The following CENPF variants were observed in gnomAD, a reference collection of about 807,000 sequenced individuals.
CENPF encodes AH antigen.
Under a neutral mutation model 307.3 loss-of-function variants are expected in CENPF, and 214 were observed. The ratio of observed to expected loss-of-function variants is 0.70; its 90% CI spans 0.62 to 0.78. The LOEUF (loss-of-function observed/expected upper bound fraction) is 0.78. CENPF is among the 30% of genes least tolerant of loss of function. The pLI, the probability that CENPF is intolerant of heterozygous loss-of-function variation, is 0.00. For synonymous variants in CENPF, 1,259 were observed against 1,270.6 expected (o/e 0.99, Z 0.19); for missense variants, 3,401 against 3,483.9 (o/e 0.98, Z 0.60).
intron 3 of CENPF, among the ~76,000 whole-genome samples, chr1:214,616,827 CTTCCTTCCTCTTTCT>C (rs1558170758): frequency 1.7e-4 from 25 of 144,386 alleles, no homozygotes; most frequent in African/African-American, 6.3e-4. Flanking sequence ...TCCTTCTTTC[CTTCCTTCCTCTTTCT>C]TTCTTTCTTT....
chr1:214,614,990 C>A lies in CENPF; in HGVS notation c.321C>A (p.Gly107=). ...VNFQEGQLNS[G]KKQIEKLEQE... ...TCCAGGAAGGACAACTGAATTCAGGCAAAAAACAAATAGAAAAACTGGAAC... is the reference window on the plus strand; with the variant it reads ...TCCAGGAAGGACAACTGAATTCAGGAAAAAAACAAATAGAAAAACTGGAAC... The change falls in exon 3 of 20, where the codon GGC becomes GGA. Residue 107 remains glycine, a synonymous_variant. Coordinates refer to ENST00000366955, the MANE Select transcript of CENPF (RefSeq NM_016343.4). The A allele has an allele frequency of 1.3e-6, 2 of 1,598,534 alleles. No homozygotes were observed. Among genetic ancestry groups the A allele is most frequent in the African/African-American group, 1.4e-5 (1 of 73,824 alleles).
chr1:214,630,492 C>A, intron 8 of CENPF, 42 bp from the exon 9 acceptor site: 4 of 1,610,944 alleles, frequency 2.5e-6, no homozygotes, highest in Non-Finnish European at 3.4e-6. Context: ...GTCTCCCTAG[C>A]GAACCATCAT....
rs111984323 is a variant in CENPF, at chr1:214,624,365, A to G, written c.1068+2084A>G. Among the ~76,000 whole-genome samples the G allele has an allele frequency of 3.4e-3, 517 of 151,914 alleles. 7 individuals carry two copies. The highest frequency in any genetic ancestry group is 0.012 in the African/African-American group (489 of 41,454). The stretch of plus-strand genomic sequence containing the variant: ...GTAGAATTTTTTTTTCTTTCTTTAT[A>G]TATTAAGTAGAATTCTCTAGTGAAA... On this transcript the variant is annotated intron_variant, in intron 7 of 19. Coordinates refer to ENST00000366955, the MANE Select transcript of CENPF (RefSeq NM_016343.4).
chr1:214,620,520 T>C, intron 5 of CENPF, 135 bp from the exon 6 acceptor site: 1 of 872,024 alleles, frequency 1.1e-6, no homozygotes, highest in East Asian at 2.4e-5. Flanking sequence ...TTTACTTGAC[T>C]TGATGAATGT....
In CENPF at chr1:214,645,326, T is replaced by C. The variant is rs1658258120; in HGVS notation, c.5756T>C (p.Leu1919Pro). The part of the protein sequence containing the change: ...SEKASIEHEA[L>P]YLEADLEVVQ... ...AAAGCTAGCATTGAGCATGAAGCCC[T>C]CTACCTGGAGGCTGACTTAGAGGTA... Residue 1919 changes from leucine to proline, a missense_variant, in exon 13 of 20, where the codon CTC (leucine) becomes CCC (proline). Physicochemically the swap from Leu to Pro is moderately conservative, Grantham distance 98. Coordinates refer to ENST00000366955, the MANE Select transcript of CENPF (RefSeq NM_016343.4). 2 of 1,613,992 alleles carry C rather than the reference T, an allele frequency of 1.2e-6. No homozygotes were observed. The highest frequency in any genetic ancestry group is 1.3e-5 in the African/African-American group (1 of 74,918).
chr1:214,605,572 C>A (rs569234144), intron 1 of CENPF: 153 of 918,776 alleles, frequency 1.7e-4, no homozygotes, highest in Non-Finnish European at 2.4e-4. Context: ...GGAGCGGGGT[C>A]CCCTGGGCCG....
intron 3 of CENPF, among the ~76,000 whole-genome samples, chr1:214,616,353 C>T (rs1300876826): frequency 6.6e-6 from 1 of 152,140 alleles, no homozygotes; most frequent in Non-Finnish European, 1.5e-5. Context: ...CTTCAAAATT[C>T]ACCTCGAATC....
intron 10 of CENPF, among the ~76,000 whole-genome samples, chr1:214,637,276 A>G (rs539611250): frequency 7.0e-4 from 106 of 152,314 alleles, no homozygotes; most frequent in African/African-American, 2.5e-3. Context: ...CCACTGGAGG[A>G]TGTCTGCCCC....
intron 1 of CENPF, chr1:214,606,179 T>A (rs1657025298): frequency 3.4e-6 from 4 of 1,192,478 alleles, no homozygotes; most frequent in Non-Finnish European, 4.6e-6. Flanking sequence ...GACCCTCCAG[T>A]CTCCCCACTC....
chr1:214,629,215 T>A (rs1304098991), intron 8 of CENPF, 44 bp downstream of exon 8: 11 of 1,510,222 alleles, frequency 7.3e-6, no homozygotes, highest in Non-Finnish European at 9.7e-6. Context: ...AAAGGCTTTT[T>A]ATGGGCTTTT....
chr1:214,647,114 A>C lies in CENPF; in HGVS notation c.7544A>C (p.Gln2515Pro), dbSNP rs62636593. The change falls in exon 13 of 20, where the codon CAG becomes CCG. Residue 2515 changes from glutamine to proline, a missense_variant. By Grantham distance (76) the Gln-to-Pro change is moderately conservative (BLOSUM62 -1). Transcript: ENST00000366955. The stretch of plus-strand genomic sequence containing the variant: ...ATTCAAGAAGTAGAAGATGGCAAGC[A>C]GAAACTGGAGAAGAAGGATGAAGAA... Reference protein sequence around the residue: ...GLIQEVEDGKQKLEKKDEEIS... With the variant: ...GLIQEVEDGKPKLEKKDEEIS... 1,323 of 1,614,080 alleles carry C rather than the reference A, an allele frequency of 8.2e-4. 13 individuals carry two copies. In the African/African-American group the frequency reaches 0.016, roughly 19 times the overall value.
At chr1:214,608,188 G>A (rs1032868741) in intron 1 of CENPF, 25 of 979,298 alleles carry the variant, frequency 2.6e-5, no homozygotes, top group Non-Finnish European at 3.6e-5. Context: ...CTGGCCCTGT[G>A]CATCCACTGT....
chr1:214,640,976 G>A lies in CENPF; in HGVS notation c.2638G>A (p.Glu880Lys), dbSNP rs565451023. 7 of 1,597,842 alleles carry A rather than the reference G, an allele frequency of 4.4e-6. No homozygotes were observed. The African/African-American group carries it at 9.5e-5, about 22-fold the overall frequency. ...ACAGATGCATCAAAGTTTTGTGGCT[G>A]AAACAAGTCAGCGCATTAGTAAGTT... ...AEQMHQSFVA[E>K]TSQRISKLQE... Residue 880 changes from glutamate (E) to lysine (K), a missense_variant, in exon 12 of 20, where the codon GAA becomes AAA. Transcript: ENST00000366955.
chr1:214,663,935 T>G lies in CENPF; in HGVS notation c.*141T>G. ...CTTAGAAGTCTTAAATATATTGTAC[T>G]CTTTAGATCTCCCATGTGTAGGTAT... is the stretch of plus-strand genomic sequence containing the variant. On this transcript the variant is annotated 3_prime_UTR_variant, in exon 20 of 20. Transcript: ENST00000366955. The G allele has an allele frequency of 1.5e-6, 1 of 661,206 alleles. No homozygotes were observed. Among genetic ancestry groups the G allele is most frequent in the Non-Finnish European group, 2.5e-6 (1 of 394,718 alleles). The allele number at this position is 661,206 out of a possible 1,614,324, so 41.0% of individuals were successfully genotyped here.
In CENPF at chr1:214,653,467, CTT is replaced by C. The variant is rs5780800; in HGVS notation, c.8322+492_8322+493del. 6.9e-3 allele frequency: 1,012 copies of C among 146,468 alleles called. 2 individuals carry two copies. The highest frequency in any genetic ancestry group is 0.012 in the African/African-American group (453 of 38,690). 9.1% of individuals were successfully genotyped at this position (146,468 alleles called of 1,614,324 possible). A position where few individuals can be genotyped will look rare whatever the true frequency, so the allele number is the denominator to read the frequency against. On this transcript the variant is annotated intron_variant, in intron 16 of 19. Coordinates refer to ENST00000366955, the MANE Select transcript of CENPF (RefSeq NM_016343.4). ...TCCTCTTCACGCAAGGATCATAGAA[CTT>C]TTTTTTTTTTTTTAGGAACAATGAA...
At chr1:214,625,505 GCCACTGCA>G (rs922559560) in intron 7 of CENPF, among the ~76,000 whole-genome samples, 2 of 152,160 alleles carry the variant, frequency 1.3e-5, no homozygotes, top group African/African-American at 4.8e-5. Context: ...ACAGACGTGA[GCCACTGCA>G]CCTGTCCTCC....
At chr1:214,614,657 G>A (rs1231535628) in intron 2 of CENPF, among the ~76,000 whole-genome samples, 175 bp from the exon 3 acceptor site, 2 of 152,132 alleles carry the variant, frequency 1.3e-5, no homozygotes, top group Non-Finnish European at 2.9e-5. Context: ...TGGCTTCAAA[G>A]AAGTTTCCTA....
Position 214,663,814 on chromosome 1 carries a change from A to G in CENPF, c.*20A>G, listed in dbSNP as rs774272833. 7 of 1,601,270 alleles carry G rather than the reference A, an allele frequency of 4.4e-6. No individual in the cohort carries two copies. In the South Asian group the frequency reaches 7.8e-5, roughly 18 times the overall value. ...CAGTGAAGGCACTTTGTGTGTCAGT[A>G]CCCCTGGGAGGTGCCAGTCATTGAA... is the stretch of plus-strand genomic sequence containing the variant. On this transcript the variant is annotated 3_prime_UTR_variant, in exon 20 of 20. Transcript: ENST00000366955.
rs751108640 is a variant in CENPF at position 214,638,001 on chromosome 1, G to A, written c.1582G>A (p.Ala528Thr). 2.3e-5 allele frequency: 37 copies of A among 1,608,058 alleles called. No individual in the cohort carries two copies. The highest frequency in any genetic ancestry group is 3.1e-5 in the Non-Finnish European group (37 of 1,178,516). Residue 528 changes from alanine to threonine, a missense_variant and splice_region_variant, in exon 11 of 20, where the codon GCG becomes ACG. Physicochemically the swap from Ala to Thr is moderately conservative, Grantham distance 58. Coordinates refer to ENST00000366955, the MANE Select transcript of CENPF (RefSeq NM_016343.4). ...QSQNFAEEMKAKNTSQETMLR... is the reference protein window; with the variant it reads ...QSQNFAEEMKTKNTSQETMLR... ...CCAGAATTTTGCAGAAGAAATGAAA[G>A]GTAAGTAAACTTAGTATTTTAGAGT...
Sources: allele counts gnomAD v4.1 joint callset (sites outside exome capture counted in the v4.1 genomes callset), GRCh38; gene constraint gnomAD v4.1.1; transcripts MANE v1.5; gene names NCBI Gene and HGNC (gene_info 2026-07-23, HGNC 2026-07-21).